The following SUGCT variants were observed in gnomAD, a reference collection of about 807,000 sequenced individuals.
The protein encoded by SUGCT is succinyl-CoA:glutarate-CoA transferase.
Under a neutral mutation model 55.0 loss-of-function variants are expected in SUGCT, and 41 were observed. The observed-to-expected ratio is 0.74, with a 90% CI of 0.58 to 0.97. The LOEUF (loss-of-function observed/expected upper bound fraction) is 0.97, where lower values mean the gene tolerates loss of function less well. SUGCT is among the 50% of genes least tolerant of loss of function. The pLI is 0.00. For synonymous variants in SUGCT, 187 were observed against 200.4 expected (o/e 0.93, Z 0.56); for missense variants, 568 against 547.8 (o/e 1.04, Z -0.37).
At chr7:40,657,648 C>T (rs1293451105) in intron 12 of SUGCT, among the ~76,000 whole-genome samples, 1 of 152,182 alleles carries the variant, frequency 6.6e-6, no homozygotes, top group South Asian at 2.1e-4. Context: ...GATTCTCCTG[C>T]CTCAGCCTCC....
Position 40,249,326 on chromosome 7 carries a change from TATATA to T in SUGCT, c.576+11601_576+11605del, listed in dbSNP as rs1562612066. On this transcript the variant is annotated intron_variant, in intron 7 of 13. Transcript: ENST00000335693. Reference sequence around the variant, plus strand: ...AACACCAAAAAGCTATATATATATATATATATATATATATATATATAATTATATTA... The same window carrying T: ...AACACCAAAAAGCTATATATATATATTATATATATATATATAATTATATTA... 1.7e-4 allele frequency among the ~76,000 whole-genome samples: 20 copies of T among 117,272 alleles called. 1 individual carries two copies. The East Asian group carries it at 3.4e-3, about 20-fold the overall frequency. 76.9% of individuals were successfully genotyped at this position (117,272 alleles called of 152,430 possible). A position where few individuals can be genotyped will look rare whatever the true frequency, so the allele number is the denominator to read the frequency against.
intron 12 of SUGCT, among the ~76,000 whole-genome samples, chr7:40,497,775 G>C (rs1231884411): frequency 6.6e-6 from 1 of 152,068 alleles, no homozygotes; most frequent in Admixed American, 6.6e-5. Context: ...TTTCCTAAGA[G>C]TTTTTCCATC....
chr7:40,272,099 A>C lies in SUGCT; in HGVS notation c.577-2414A>C, dbSNP rs201050391. ...TCTCTCTCTCTCTCTCTCTCTCTAT[A>C]TATATATATATATGGATGTTTCAAA... On this transcript the variant is annotated intron_variant, in intron 7 of 13. Coordinates refer to ENST00000335693, the MANE Select transcript of SUGCT (RefSeq NM_001193313.2). Among the ~76,000 whole-genome samples the C allele has an allele frequency of 9.2e-4, 110 of 119,536 alleles. 1 individual carries two copies. Among genetic ancestry groups the C allele is most frequent in the East Asian group, 4.5e-3 (20 of 4,462 alleles). 78.4% of individuals were successfully genotyped at this position (119,536 alleles called of 152,430 possible). A position where few individuals can be genotyped will look rare whatever the true frequency, so the allele number is the denominator to read the frequency against.
the SUGCT span, among the ~76,000 whole-genome samples, chr7:41,008,947 C>A: frequency 6.6e-6 from 1 of 152,074 alleles, no homozygotes; most frequent in Admixed American, 6.5e-5. Flanking sequence ...TTGGGTCTTG[C>A]GAGAATATGA....
chr7:40,719,217 T>C (rs1786187299), intron 12 of SUGCT, among the ~76,000 whole-genome samples: 1 of 152,254 alleles, frequency 6.6e-6, no homozygotes, highest in Non-Finnish European at 1.5e-5. Flanking sequence ...TTGCACATGC[T>C]GTTCTTTCTG....
At chr7:40,183,381 C>G (rs1283994340) in intron 3 of SUGCT, among the ~76,000 whole-genome samples, 1 of 152,200 alleles carries the variant, frequency 6.6e-6, no homozygotes. Context: ...CCTCTGTCAT[C>G]CAGGCTGGAG....
chr7:40,860,260 T>C, intron 13 of SUGCT, 56 bp from the exon 14 acceptor site: 1 of 1,609,460 alleles, frequency 6.2e-7, no homozygotes, highest in Non-Finnish European at 8.5e-7. Flanking sequence ...GCTTAGGTAA[T>C]TAATTTCGTA....
chr7:40,787,660 CAAAAAAA>C (rs55764379), intron 13 of SUGCT, among the ~76,000 whole-genome samples: 50 of 48,428 alleles, frequency 1.0e-3, no homozygotes, highest in African/African-American at 2.8e-3. Flanking sequence ...AAATTTTGAC[CAAAAAAA>C]AAAAAAAAAA....
chr7:40,394,730 T>G (rs1016495226), intron 9 of SUGCT, among the ~76,000 whole-genome samples: 1 of 152,230 alleles, frequency 6.6e-6, no homozygotes, highest in African/African-American at 2.4e-5. Context: ...TATCCTGTGC[T>G]TCTATGAGTT....
At chr7:40,466,923 G>T (rs1790141578) in intron 11 of SUGCT, among the ~76,000 whole-genome samples, 1 of 152,172 alleles carries the variant, frequency 6.6e-6, no homozygotes, top group Admixed American at 6.5e-5. Context: ...GAACAGACGG[G>T]CCGGGCACGG....
chr7:40,639,738 C>T (rs1331284767), intron 12 of SUGCT, among the ~76,000 whole-genome samples: 1 of 151,182 alleles, frequency 6.6e-6, no homozygotes, highest in Non-Finnish European at 1.5e-5. Context: ...TTCTCGAACT[C>T]CTGACCTCAG....
At chr7:40,451,034 G>A (rs1300052847) in intron 10 of SUGCT, among the ~76,000 whole-genome samples, 1 of 151,760 alleles carries the variant, frequency 6.6e-6, no homozygotes, top group Non-Finnish European at 1.5e-5. Flanking sequence ...AGGGAAAATC[G>A]ATTCAAACAT....
chr7:40,556,680 A>C (rs904876870), intron 12 of SUGCT, among the ~76,000 whole-genome samples: 14 of 152,168 alleles, frequency 9.2e-5, no homozygotes, highest in Non-Finnish European at 1.6e-4. Context: ...AAATTATCTA[A>C]CCTTTTTGTG....
chr7:40,230,142 T>G (rs976924743), intron 6 of SUGCT, among the ~76,000 whole-genome samples: 3 of 152,192 alleles, frequency 2.0e-5, no homozygotes, highest in Non-Finnish European at 4.4e-5. Flanking sequence ...CTTTCTTGTC[T>G]CTAGTAACCT....
chr7:40,766,656 G>A (rs913185851), intron 13 of SUGCT, among the ~76,000 whole-genome samples: 1 of 152,092 alleles, frequency 6.6e-6, no homozygotes, highest in Non-Finnish European at 1.5e-5. Flanking sequence ...TTCTCTTAGG[G>A]TATGTATAGA....
intron 5 of SUGCT, among the ~76,000 whole-genome samples, chr7:40,192,998 A>T (rs182738635): frequency 1.4e-3 from 194 of 140,416 alleles, no homozygotes; most frequent in African/African-American, 4.9e-3. Flanking sequence ...AGACAGTCTC[A>T]CTCTGTTGCC....
At chr7:40,336,333 C>T (rs900289017) in intron 9 of SUGCT, among the ~76,000 whole-genome samples, 3 of 152,134 alleles carry the variant, frequency 2.0e-5, no homozygotes, top group African/African-American at 7.2e-5. Context: ...GTACCAGCTC[C>T]TCCCTGTACC....
At chr7:40,344,435 T>C (rs1797210870) in intron 9 of SUGCT, among the ~76,000 whole-genome samples, 1 of 152,172 alleles carries the variant, frequency 6.6e-6, no homozygotes, top group Non-Finnish European at 1.5e-5. Flanking sequence ...GAGCTACGAA[T>C]AGTTTTCTCA....
At chr7:40,323,190 A>C (rs917379024) in intron 9 of SUGCT, among the ~76,000 whole-genome samples, 12 of 151,956 alleles carry the variant, frequency 7.9e-5, no homozygotes, top group Admixed American at 7.9e-4. Flanking sequence ...GGACCCTTGC[A>C]ACAGTCCACC....
Sources: gnomAD v4.1 joint callset for allele counts (sites outside exome capture counted in the v4.1 genomes callset) on GRCh38, gnomAD v4.1.1 for gene constraint, MANE v1.5 for transcripts, NCBI Gene and HGNC (gene_info 2026-07-23, HGNC 2026-07-21) for gene names.